UNC13B: variants seen among roughly 807,000 people sequenced by gnomAD.
The protein encoded by UNC13B is protein unc-13 homolog B.
UNC13B carries 144 observed loss-of-function variants against 211.0 expected under a neutral mutation model. The observed-to-expected ratio is 0.68, with a 90% confidence interval of 0.60 to 0.78. UNC13B has a LOEUF of 0.78. Ranked by LOEUF, UNC13B falls within the 30% of genes least tolerant of loss-of-function variation. The pLI, the probability that UNC13B is intolerant of heterozygous loss-of-function variation, is 0.00. For missense variants in UNC13B, 1,777 were observed against 2,002.0 expected (o/e 0.89, Z 2.14); for synonymous variants, 709 against 725.8 (o/e 0.98, Z 0.37).
At chr9:35,193,437 A>C (rs767686483) in intron 1 of UNC13B, among the ~76,000 whole-genome samples, 2 of 152,096 alleles carry the variant, frequency 1.3e-5, no homozygotes, top group Non-Finnish European at 2.9e-5. Flanking sequence ...TCATGAGGTC[A>C]GGAGTTCGAG....
At position 35,302,804 on chromosome 9, in the gene UNC13B, G is replaced by A. The variant is rs543014883; in HGVS notation, c.3400G>A (p.Val1134Ile). 3 of 398,600 alleles carry A rather than the reference G, an allele frequency of 7.5e-6. No homozygotes were observed. Among genetic ancestry groups the A allele is most frequent in the South Asian group, 1.3e-4 (1 of 7,848 alleles). The allele number at this position is 398,600 out of a possible 1,614,324, so 24.7% of individuals were successfully genotyped here. Residue 1134 changes from valine (V) to isoleucine (I), a missense_variant, in exon 9 of 40, where the codon GTT becomes ATT. Coordinates refer to ENST00000635942, the MANE Select transcript of UNC13B (RefSeq NM_001371189.2). ...GGTTAATGAAATTAATGAAGATGAG[G>A]TTATAGATAAGACTTCCAAGAAAAA... Reference protein sequence around the residue: ...TLVNEINEDEVIDKTSKKNTQ... With the variant: ...TLVNEINEDEIIDKTSKKNTQ...
chr9:35,314,207 G>A (rs1264745039), intron 11 of UNC13B, among the ~76,000 whole-genome samples: 1 of 152,182 alleles, frequency 6.6e-6, no homozygotes, highest in Non-Finnish European at 1.5e-5. Flanking sequence ...CTGAGAGCCT[G>A]ACTGTAAAGT....
intron 7 of UNC13B, among the ~76,000 whole-genome samples, chr9:35,280,122 T>C (rs1828401001): frequency 6.6e-6 from 1 of 152,078 alleles, no homozygotes; most frequent in Non-Finnish European, 1.5e-5. Flanking sequence ...TCAATAATAA[T>C]ATTGTGGAAG....
intron 6 of UNC13B, among the ~76,000 whole-genome samples, chr9:35,249,675 T>A (rs1826339341): frequency 6.6e-6 from 1 of 152,208 alleles, no homozygotes; most frequent in Non-Finnish European, 1.5e-5. Context: ...GAATGTTGAA[T>A]ATTGGCCCCC....
intron 1 of UNC13B, among the ~76,000 whole-genome samples, chr9:35,167,072 TTTTTTATTTTA>T (rs1821075323): frequency 6.6e-6 from 1 of 152,132 alleles, no homozygotes; most frequent in Non-Finnish European, 1.5e-5. Flanking sequence ...TTAGTGTATT[TTTTTTATTTTA>T]TTTTTATTTT....
chr9:35,332,390 C>A (rs1326786045), intron 11 of UNC13B, among the ~76,000 whole-genome samples: 2 of 152,208 alleles, frequency 1.3e-5, no homozygotes, highest in African/African-American at 2.4e-5. Flanking sequence ...TGAGCCTATT[C>A]CTTTTCCTTT....
chr9:35,401,699 A>C (rs1272935700), intron 37 of UNC13B, among the ~76,000 whole-genome samples: 1 of 151,600 alleles, frequency 6.6e-6, no homozygotes, highest in Non-Finnish European at 1.5e-5. Flanking sequence ...TGTCTCAGAT[A>C]CCTCCTCTCT....
intron 4 of UNC13B, among the ~76,000 whole-genome samples, 186 bp from the exon 5 acceptor site, chr9:35,237,517 C>T (rs967396944): frequency 6.6e-6 from 1 of 152,122 alleles, no homozygotes; most frequent in Non-Finnish European, 1.5e-5. Context: ...CTGCTCTCCC[C>T]ACCAAAGAGG....
intron 7 of UNC13B, among the ~76,000 whole-genome samples, chr9:35,282,351 G>A (rs1226368851): frequency 1.3e-5 from 2 of 152,030 alleles, no homozygotes; most frequent in South Asian, 2.1e-4. Flanking sequence ...ACCCAAGTAT[G>A]TATCTTTAAA....
intron 11 of UNC13B, among the ~76,000 whole-genome samples, chr9:35,349,033 T>C (rs983450036): frequency 3.3e-5 from 5 of 152,130 alleles, no homozygotes. Context: ...TTCTCTTGCC[T>C]CAGCCTCCCG....
intron 1 of UNC13B, among the ~76,000 whole-genome samples, chr9:35,225,104 A>T (rs981203295): frequency 6.6e-6 from 1 of 152,150 alleles, no homozygotes; most frequent in Non-Finnish European, 1.5e-5. Flanking sequence ...AAAAGTTGAA[A>T]GCCTTTCCTC....
intron 6 of UNC13B, among the ~76,000 whole-genome samples, chr9:35,254,987 T>C (rs1456185773): frequency 8.3e-5 from 10 of 120,560 alleles, no homozygotes; most frequent in African/African-American, 3.2e-4. Flanking sequence ...TTAATATATG[T>C]ATATATTATA....
At chr9:35,270,587 GTTT>G (rs969104528) in intron 7 of UNC13B, among the ~76,000 whole-genome samples, 1 of 151,292 alleles carries the variant, frequency 6.6e-6, no homozygotes, top group South Asian at 2.1e-4. Flanking sequence ...ATTCTTGAAA[GTTT>G]TTTTTTAACC....
At chr9:35,275,980 T>C (rs1409161518) in intron 7 of UNC13B, among the ~76,000 whole-genome samples, 1 of 152,088 alleles carries the variant, frequency 6.6e-6, no homozygotes, top group Non-Finnish European at 1.5e-5. Context: ...AGTGTCTTTT[T>C]TGGGTTCTCA....
intron 7 of UNC13B, among the ~76,000 whole-genome samples, chr9:35,273,052 A>G (rs1367646244): frequency 6.6e-6 from 1 of 152,234 alleles, no homozygotes; most frequent in African/African-American, 2.4e-5. Context: ...TTAGTGATCT[A>G]TACAAATCAT....
In UNC13B at chr9:35,403,894, G is replaced by A; in HGVS notation, c.12884G>A (p.Cys4295Tyr). ...GCCAAGGGCAGCTGTGCCTGCTGGT[G>A]CCCCTTGGGCCGGAAGATCCATATG... ...VTAKGSCACWCPLGRKIHMDE... is the reference protein window; with the variant it reads ...VTAKGSCACWYPLGRKIHMDE... Residue 4295 changes from cysteine to tyrosine, a missense_variant, in exon 40 of 40, where the codon TGC becomes TAC. Cys to Tyr is a radical substitution (Grantham distance 194). Transcript: ENST00000635942. The A allele has an allele frequency of 6.2e-7, 1 of 1,614,190 alleles. No individual in the cohort carries two copies. The highest frequency in any genetic ancestry group is 8.5e-7 in the Non-Finnish European group (1 of 1,180,028).
Position 35,305,881 on chromosome 9 carries a change from G to T in UNC13B, c.6477G>T (p.Lys2159Asn). The T allele has an allele frequency of 5.0e-6, 2 of 398,870 alleles. No individual in the cohort carries two copies. Among genetic ancestry groups the T allele is most frequent in the East Asian group, 3.6e-5 (1 of 28,092 alleles). 24.7% of individuals were successfully genotyped at this position (398,870 alleles called of 1,614,324 possible). Residue 2159 changes from lysine to asparagine, a missense_variant, in exon 9 of 40, where the codon AAG becomes AAT. Coordinates refer to ENST00000635942, the MANE Select transcript of UNC13B (RefSeq NM_001371189.2). ...SSSQPELSTK[K>N]SIFSFLTGSE... ...CTCAACCAGAGTTATCAACCAAAAA[G>T]AGTATATTTTCTTTTCTCACTGGAT... is the stretch of plus-strand genomic sequence containing the variant.
intron 27 of UNC13B, 118 bp from the exon 28 acceptor site, chr9:35,396,723 A>C (rs1304431224): frequency 1.3e-5 from 21 of 1,598,022 alleles, no homozygotes; most frequent in Admixed American, 1.7e-5. Context: ...CACCGTAGAC[A>C]AAGAAAAGTG....
intron 23 of UNC13B, among the ~76,000 whole-genome samples, 167 bp from the exon 24 acceptor site, chr9:35,385,998 G>C (rs1835163582): frequency 6.6e-6 from 1 of 152,144 alleles, no homozygotes; most frequent in Admixed American, 6.5e-5. Context: ...CATGAGGATG[G>C]GGTGGAAGTT....
Sources: allele counts gnomAD v4.1 joint callset (sites outside exome capture counted in the v4.1 genomes callset), GRCh38; gene constraint gnomAD v4.1.1; transcripts MANE v1.5; gene names NCBI Gene and HGNC (gene_info 2026-07-23, HGNC 2026-07-21).